The following GRB10 variants were observed in gnomAD, a reference collection of about 807,000 sequenced individuals.
GRB10 encodes growth factor receptor bound protein 10.
Under a neutral mutation model 80.9 loss-of-function variants are expected in GRB10, and 20 were observed. The observed-to-expected ratio is 0.25, with a 90% confidence interval of 0.17 to 0.36. The LOEUF is 0.36. Among genes scored for constraint, GRB10 ranks in the 10% least tolerant of loss-of-function variants. The pLI is 1.00. For missense variants in GRB10, 548 were observed against 747.7 expected, an observed-to-expected ratio of 0.73 and a Z score of 3.12; for synonymous variants, 291 against 291.5, an observed-to-expected ratio of 1.00 and a Z score of 0.02.
intron 5 of GRB10, among the ~76,000 whole-genome samples, chr7:50,690,024 C>T (rs1379673155): frequency 1.3e-5 from 2 of 151,158 alleles, no homozygotes; most frequent in Admixed American, 6.6e-5. Context: ...AGGCTGGGCG[C>T]GGTGGCTCAC....
In GRB10 at chr7:50,591,663, G is replaced by GA. The variant is rs769039988; in HGVS notation, c.*1288dup. 6 of 152,268 alleles carry GA rather than the reference G, an allele frequency of 3.9e-5. No individual in the cohort carries two copies. Among genetic ancestry groups the GA allele is most frequent in the Non-Finnish European group, 8.8e-5 (6 of 68,066 alleles). 9.4% of individuals were successfully genotyped at this position (152,268 alleles called of 1,614,324 possible). On this transcript the variant is annotated 3_prime_UTR_variant, in exon 19 of 19. Coordinates refer to ENST00000401949, the MANE Select transcript of GRB10 (RefSeq NM_001350814.2). ...CATCTGACTCATCTCCCGGAGCGGGGACAAAGTGTTGTGTTGACAAAACTC... is the reference window on the plus strand; with the variant it reads ...CATCTGACTCATCTCCCGGAGCGGGGAACAAAGTGTTGTGTTGACAAAACTC...
chr7:50,705,470 T>A (rs1235300142), intron 4 of GRB10: 1 of 208,568 alleles, frequency 4.8e-6, no homozygotes, highest in Non-Finnish European at 8.4e-6. Context: ...AAATTTATAT[T>A]TTTGTATGCT....
In GRB10 at chr7:50,592,849, G is replaced by C; in HGVS notation, c.*103C>G. 1 of 1,332,408 alleles carries C rather than the reference G, an allele frequency of 7.5e-7. No individual in the cohort carries two copies. 82.5% of individuals were successfully genotyped at this position (1,332,408 alleles called of 1,614,324 possible). On this transcript the variant is annotated 3_prime_UTR_variant, in exon 19 of 19. Transcript: ENST00000401949. ...ACCGAACAAACCCATCTCGCTCTGG[G>C]TCCCCAGGTGCAGAATCGATGTGTG...
rs141221997 is a variant in GRB10 at position 50,591,660 on chromosome 7, G to C, written c.*1292C>G. On this transcript the variant is annotated 3_prime_UTR_variant, in exon 19 of 19. Coordinates refer to ENST00000401949, the MANE Select transcript of GRB10 (RefSeq NM_001350814.2). ...CACCATCTGACTCATCTCCCGGAGC[G>C]GGGACAAAGTGTTGTGTTGACAAAA... 6.6e-6 allele frequency: 1 copy of C among 152,254 alleles called. No homozygotes were observed. Among genetic ancestry groups the C allele is most frequent in the Admixed American group, 6.5e-5 (1 of 15,286 alleles). The allele number at this position is 152,254 out of a possible 1,614,324, so 9.4% of individuals were successfully genotyped here.
At chr7:50,790,025 C>G (rs1201831302) in intron 1 of GRB10, among the ~76,000 whole-genome samples, 1 of 152,158 alleles carries the variant, frequency 6.6e-6, no homozygotes, top group Non-Finnish European at 1.5e-5. Context: ...GGACAAAAGC[C>G]TCCAGAAGAC....
At chr7:50,710,971 G>T in intron 4 of GRB10, 1 of 1,428,602 alleles carries the variant, frequency 7.0e-7, no homozygotes, top group Non-Finnish European at 9.9e-7. Flanking sequence ...AGCCTGCCCT[G>T]TGCACAATAT....
chr7:50,653,787 G>C (rs1223374285), intron 7 of GRB10, among the ~76,000 whole-genome samples: 1 of 152,198 alleles, frequency 6.6e-6, no homozygotes, highest in Non-Finnish European at 1.5e-5. Flanking sequence ...CATCCCCCAG[G>C]TGGCTACATG....
chr7:50,789,825 C>A (rs953822651), intron 1 of GRB10, among the ~76,000 whole-genome samples: 1 of 152,198 alleles, frequency 6.6e-6, no homozygotes, highest in Non-Finnish European at 1.5e-5. Flanking sequence ...ATTTCTACCT[C>A]TGAGATTATT....
rs1425604470 is a variant in GRB10, at chr7:50,591,071, TGTCC to T, written c.*1877_*1880del. ...GGAAGGAATCGTGGTGTAACTGCAA[TGTCC>T]GTCCCTACAGTGAAGCCTGCCACCA... On this transcript the variant is annotated 3_prime_UTR_variant, in exon 19 of 19. Coordinates refer to ENST00000401949, the MANE Select transcript of GRB10 (RefSeq NM_001350814.2). 6.6e-6 allele frequency: 1 copy of T among 152,108 alleles called. No homozygotes were observed. Among genetic ancestry groups the T allele is most frequent in the Non-Finnish European group, 1.5e-5 (1 of 67,994 alleles). 9.4% of individuals were successfully genotyped at this position (152,108 alleles called of 1,614,324 possible).
intron 3 of GRB10, among the ~76,000 whole-genome samples, chr7:50,752,860 C>A (rs948057300): frequency 2.6e-5 from 4 of 152,152 alleles, no homozygotes; most frequent in Non-Finnish European, 5.9e-5. Flanking sequence ...AGACAAGTAA[C>A]CAAAAATGGG....
At chr7:50,687,605 C>T (rs567740191) in intron 5 of GRB10, among the ~76,000 whole-genome samples, 2 of 152,304 alleles carry the variant, frequency 1.3e-5, no homozygotes, top group African/African-American at 2.4e-5. Flanking sequence ...CGGATCCTGC[C>T]GTAGGGAAGA....
chr7:50,649,788 G>C (rs1322457572), intron 7 of GRB10, among the ~76,000 whole-genome samples: 3 of 152,178 alleles, frequency 2.0e-5, no homozygotes, highest in East Asian at 1.9e-4. Context: ...GAGTCCAAAG[G>C]GGGAATCAAG....
At chr7:50,756,736 G>T (rs1249330611) in intron 2 of GRB10, among the ~76,000 whole-genome samples, 1 of 152,182 alleles carries the variant, frequency 6.6e-6, no homozygotes, top group African/African-American at 2.4e-5. Context: ...AGACTTTATA[G>T]TGACCTGGGC....
At chr7:50,670,391 C>T (rs2060237079) in intron 6 of GRB10, among the ~76,000 whole-genome samples, 1 of 151,698 alleles carries the variant, frequency 6.6e-6, no homozygotes, top group Non-Finnish European at 1.5e-5. Flanking sequence ...CGAACTGTAC[C>T]CTGAAAAAAA....
rs547122083 is a variant in GRB10, at chr7:50,605,659, G to A, written c.1273-253C>T. Among the ~76,000 whole-genome samples the A allele has an allele frequency of 7.2e-5, 11 of 152,218 alleles. No individual in the cohort carries two copies. In the South Asian group the frequency reaches 2.1e-3, roughly 29 times the overall value. On this transcript the variant is annotated intron_variant, in intron 14 of 18. Coordinates refer to ENST00000401949, the MANE Select transcript of GRB10 (RefSeq NM_001350814.2). ...TAAAAAGGCTGCTGGTGAGGCCCCC[G>A]GCACCCGCAGCATTTGGACCATGTG... is the stretch of plus-strand genomic sequence containing the variant.
At chr7:50,605,452 AGAGTG>A (rs2048360305) in intron 14 of GRB10, 46 bp from the exon 15 acceptor site, 1 of 1,437,834 alleles carries the variant, frequency 7.0e-7, no homozygotes, top group Admixed American at 1.7e-5. Flanking sequence ...GAAATAAGGC[AGAGTG>A]GAGTCTTGGC....
intron 1 of GRB10, among the ~76,000 whole-genome samples, chr7:50,788,382 G>T (rs186306164): frequency 6.6e-6 from 1 of 152,290 alleles, no homozygotes; most frequent in African/African-American, 2.4e-5. Flanking sequence ...ACAAGAGAAG[G>T]TAGAAAGCGG....
chr7:50,632,442 G>A (rs2054174417), intron 7 of GRB10, among the ~76,000 whole-genome samples: 1 of 152,222 alleles, frequency 6.6e-6, no homozygotes, highest in African/African-American at 2.4e-5. Context: ...GGGCTATGGA[G>A]ATGAGACTTG....
rs555063043 is a variant in GRB10, at chr7:50,752,577, C to T, written c.-47+3310G>A. 7.2e-5 allele frequency among the ~76,000 whole-genome samples: 11 copies of T among 152,282 alleles called. No homozygotes were observed. In the East Asian group the frequency reaches 2.1e-3, roughly 29 times the overall value. ...CCCTATCCTTAGCCAAGCTCTGTGT[C>T]GCTAAGGTAGATTGGTGTCATGATA... On this transcript the variant is annotated intron_variant, in intron 3 of 18. Transcript: ENST00000401949.
Sources: gnomAD v4.1 joint callset for allele counts (sites outside exome capture counted in the v4.1 genomes callset) on GRCh38, gnomAD v4.1.1 for gene constraint, MANE v1.5 for transcripts, NCBI Gene and HGNC (gene_info 2026-07-23, HGNC 2026-07-21) for gene names.